The following NRXN3 variants were observed in gnomAD, a reference collection of about 807,000 sequenced individuals.
NRXN3 encodes neurexin 3.
A neutral mutation model predicts 137.6 loss-of-function variants in NRXN3; 32 were observed. The ratio of observed to expected loss-of-function variants is 0.23; its 90% CI spans 0.18 to 0.31. The LOEUF (loss-of-function observed/expected upper bound fraction) is 0.31, where lower values mean the gene tolerates loss of function less well. Ranked by LOEUF, NRXN3 falls within the 10% of genes least tolerant of loss-of-function variation. The pLI is 1.00. For synonymous variants in NRXN3, 798 were observed against 784.5 expected (o/e 1.02, Z -0.29); for missense variants, 1,574 against 2,062.5 (o/e 0.76, Z 4.59).
intron 15 of NRXN3, among the ~76,000 whole-genome samples, chr14:79,078,931 G>GA (rs2046424487): frequency 6.6e-6 from 1 of 151,810 alleles, no homozygotes; most frequent in Non-Finnish European, 1.5e-5. Context: ...AGGGATACCA[G>GA]AAGAAGATGA....
intron 15 of NRXN3, among the ~76,000 whole-genome samples, chr14:78,993,184 C>A (rs1450793021): frequency 1.3e-5 from 2 of 151,950 alleles, no homozygotes; most frequent in African/African-American, 4.8e-5. Context: ...TGGCCTTTTG[C>A]TTTTTATTTA....
chr14:79,117,394 T>C (rs1205086156), intron 15 of NRXN3, among the ~76,000 whole-genome samples: 1 of 152,206 alleles, frequency 6.6e-6, no homozygotes, highest in Non-Finnish European at 1.5e-5. Flanking sequence ...GGAGTTATAT[T>C]GGTTATCAGA....
rs773319827 is a variant in NRXN3, at chr14:78,243,423, C to T, written c.330C>T (p.His110=). 6.4e-7 allele frequency: 1 copy of T among 1,568,332 alleles called. No homozygotes were observed. Among genetic ancestry groups the T allele is most frequent in the Non-Finnish European group, 8.6e-7 (1 of 1,164,602 alleles). ...SNKQVNDSSW[H]FLMVSRDRLR... is the part of the protein sequence containing the mutation. ...AGCAGGTGAATGACAGCAGCTGGCA[C>T]TTCCTCATGGTGAGCCGTGACCGCC... Residue 110 remains histidine (H), a synonymous_variant, in exon 2 of 21, where the codon CAC becomes CAT. Transcript: ENST00000335750. The surrounding 1 kb of genome is among the most constrained non-coding windows in gnomAD (Gnocchi z 4.2).
intron 17 of NRXN3, among the ~76,000 whole-genome samples, chr14:79,678,590 C>T (rs554990715): frequency 4.6e-5 from 7 of 152,270 alleles, no homozygotes; most frequent in Admixed American, 1.3e-4. Flanking sequence ...GAAGTCTAAG[C>T]ACTTGTGAGG....
chr14:79,018,475 TC>T (rs1424185970), intron 15 of NRXN3, among the ~76,000 whole-genome samples: 8 of 152,028 alleles, frequency 5.3e-5, no homozygotes, highest in Non-Finnish European at 1.2e-4. Context: ...CTTTCTGAGA[TC>T]CTAGAGGACT....
intron 19 of NRXN3, among the ~76,000 whole-genome samples, chr14:79,771,573 C>T (rs1458721513): frequency 2.7e-5 from 4 of 150,110 alleles, no homozygotes; most frequent in Non-Finnish European, 5.9e-5. Flanking sequence ...CAAAATTCAA[C>T]AGCCCTTCAT....
At chr14:79,198,711 T>C (rs1354482436) in intron 15 of NRXN3, among the ~76,000 whole-genome samples, 1 of 152,214 alleles carries the variant, frequency 6.6e-6, no homozygotes, top group African/African-American at 2.4e-5. Context: ...CTTTCTTCAT[T>C]GTAGCAGTGA....
At chr14:79,419,711 T>G (rs949666084) in intron 15 of NRXN3, among the ~76,000 whole-genome samples, 4 of 152,110 alleles carry the variant, frequency 2.6e-5, no homozygotes, top group Admixed American at 1.3e-4. Context: ...CAATTCCAGC[T>G]CAACCACTAT....
chr14:79,307,768 C>G (rs1198064464), intron 15 of NRXN3, among the ~76,000 whole-genome samples: 1 of 151,494 alleles, frequency 6.6e-6, no homozygotes, highest in Non-Finnish European at 1.5e-5. Flanking sequence ...ACCTCTCTTT[C>G]TCTCTCTCTC....
intron 4 of NRXN3, among the ~76,000 whole-genome samples, chr14:78,389,072 G>A (rs78046510): frequency 1.5e-5 from 1 of 66,452 alleles, no homozygotes; most frequent in Non-Finnish European, 3.4e-5. Context: ...TTTTTTTTTT[G>A]TTTGAGACGG....
chr14:78,876,395 C>T (rs1271354780), intron 10 of NRXN3, among the ~76,000 whole-genome samples: 2 of 152,274 alleles, frequency 1.3e-5, no homozygotes, highest in East Asian at 3.9e-4. Context: ...TTGATTGCAG[C>T]AAATCAATAG....
intron 8 of NRXN3, among the ~76,000 whole-genome samples, chr14:78,778,196 T>C (rs2098750992): frequency 6.6e-6 from 1 of 152,246 alleles, no homozygotes; most frequent in South Asian, 2.1e-4. Context: ...GTGTGAGTCA[T>C]GAGAAGAAGG....
chr14:78,886,155 C>T (rs2099143029), intron 10 of NRXN3, among the ~76,000 whole-genome samples: 2 of 152,038 alleles, frequency 1.3e-5, no homozygotes, highest in Admixed American at 1.3e-4. Context: ...CTAACTCAGT[C>T]CTGTGGAAAA....
At chr14:78,503,781 G>A (rs1405765679) in intron 4 of NRXN3, among the ~76,000 whole-genome samples, 5 of 152,232 alleles carry the variant, frequency 3.3e-5, no homozygotes, top group South Asian at 2.1e-4. Flanking sequence ...TAGAGTCACC[G>A]TATGTCCTAG....
intron 19 of NRXN3, among the ~76,000 whole-genome samples, chr14:79,739,236 C>G (rs563002878): frequency 3.3e-5 from 5 of 152,094 alleles, no homozygotes. Flanking sequence ...TAGCCTGGAG[C>G]TAATACAGTA....
At chr14:79,768,112 G>A (rs534902783) in intron 19 of NRXN3, among the ~76,000 whole-genome samples, 31 of 152,308 alleles carry the variant, frequency 2.0e-4, no homozygotes, top group East Asian at 7.7e-4. Context: ...CACCTGGCTC[G>A]GAGGGTCCTA....
chr14:79,778,001 A>C (rs2099102513), intron 19 of NRXN3, among the ~76,000 whole-genome samples: 1 of 152,032 alleles, frequency 6.6e-6, no homozygotes, highest in Admixed American at 6.6e-5. Context: ...TATGCACTGT[A>C]ACTTCTCTAT....
chr14:78,347,300 C>T (rs763333002), intron 4 of NRXN3, among the ~76,000 whole-genome samples: 7 of 152,136 alleles, frequency 4.6e-5, no homozygotes, highest in African/African-American at 7.2e-5. Flanking sequence ...TTTACCTGCT[C>T]GTGAGCAATA....
At chr14:79,162,197 T>C (rs907209211) in intron 15 of NRXN3, among the ~76,000 whole-genome samples, 20 of 151,336 alleles carry the variant, frequency 1.3e-4, no homozygotes, top group Admixed American at 1.1e-3. Flanking sequence ...AATGTGCAGG[T>C]TAGTTACATA....
Sources: allele counts gnomAD v4.1 joint callset (sites outside exome capture counted in the v4.1 genomes callset), GRCh38; gene constraint gnomAD v4.1.1; non-coding constraint Gnocchi (gnomAD v3.1); transcripts MANE v1.5; gene names NCBI Gene and HGNC (gene_info 2026-07-23, HGNC 2026-07-21).